Variants in ULK1 observed in about 807,000 individuals in gnomAD.
The protein encoded by ULK1 is unc-51 like autophagy activating kinase 1.
A neutral mutation model predicts 117.5 loss-of-function variants in ULK1; 48 were observed. The observed-to-expected ratio is 0.41, with a 90% CI of 0.32 to 0.52. The LOEUF (loss-of-function observed/expected upper bound fraction) is 0.52. Among genes scored for constraint, ULK1 ranks in the 20% least tolerant of loss-of-function variants. The probability of loss-of-function intolerance (pLI) is 0.29; values close to 1 mark genes in which losing one functional copy is unlikely to be tolerated. For synonymous variants in ULK1, 790 were observed against 637.8 expected (o/e 1.24, Z -3.60); for missense variants, 1,387 against 1,473.4 (o/e 0.94, Z 0.96).
rs1028392338 is a variant in ULK1 at position 131,902,959 on chromosome 12, A to G, written c.247-3933A>G. On this transcript the variant is annotated intron_variant, in intron 3 of 27. Transcript: ENST00000321867. This position sits in a 1 kb window ranked among gnomAD's most constrained non-coding sequence, Gnocchi z 6.3. ...AAAACCAAATGTAGCTGCGAGGCAG[A>G]CGTGGAGCCCGATGCCCTGTGTGGG... 6.6e-6 allele frequency among the ~76,000 whole-genome samples: 1 copy of G among 152,010 alleles called. No individual in the cohort carries two copies. Among genetic ancestry groups the G allele is most frequent in the African/African-American group, 2.4e-5 (1 of 41,366 alleles).
rs781603473 is a variant in ULK1 at position 131,921,114 on chromosome 12, C to T, written c.2976C>T (p.Ala992=). 2 of 1,598,718 alleles carry T rather than the reference C, an allele frequency of 1.3e-6. No homozygotes were observed. The highest frequency in any genetic ancestry group is 2.7e-5 in the African/African-American group (2 of 74,876). Reference sequence around the variant, plus strand: ...CTCGCCCCCAGGTGCAGTCGGCTGCCCTGGACGAGATGTTCCAGCACCGTG... The same window carrying T: ...CTCGCCCCCAGGTGCAGTCGGCTGCTCTGGACGAGATGTTCCAGCACCGTG... The part of the protein sequence containing the change: ...SHAVQMVQSA[A]LDEMFQHREG... Residue 992 remains alanine (A), a synonymous_variant, in exon 27 of 28, where the codon GCC becomes GCT. Transcript: ENST00000321867.
rs1890148118 is a variant in ULK1 at position 131,921,443 on chromosome 12, G to A, written c.*82G>A. The A allele has an allele frequency of 2.5e-6, 4 of 1,582,446 alleles. No homozygotes were observed. The highest frequency in any genetic ancestry group is 3.4e-6 in the Non-Finnish European group (4 of 1,167,244). On this transcript the variant is annotated 3_prime_UTR_variant, in exon 28 of 28. Coordinates refer to ENST00000321867, the MANE Select transcript of ULK1 (RefSeq NM_003565.4). ...GTGCTGGCTGGACTCCTCGGGACAA[G>A]CCCATGGCGCTGATCGCTGGTGCTG...
chr12:131,917,894 T>C (rs1206184557), intron 22 of ULK1, among the ~76,000 whole-genome samples: 3 of 152,056 alleles, frequency 2.0e-5, no homozygotes, highest in Non-Finnish European at 4.4e-5. Flanking sequence ...TGGTCAGGAG[T>C]TGCCCTGATG....
Position 131,895,651 on chromosome 12 carries a change from C to T in ULK1, c.162C>T (p.Ala54=), listed in dbSNP as rs145707057. The T allele has an allele frequency of 1.9e-4, 311 of 1,614,098 alleles. 1 individual carries two copies. Among genetic ancestry groups the T allele is most frequent in the African/African-American group, 1.1e-3 (86 of 75,036 alleles). Residue 54 remains alanine (A), a synonymous_variant, in exon 2 of 28, where the codon GCC becomes GCT. Transcript: ENST00000321867. ...AVKCINKKNL[A]KSQTLLGKEI... ...AGTGCATTAACAAGAAGAACCTCGC[C>T]AAGTCTCAGACGCTGCTGGGGAAGG... is the stretch of plus-strand genomic sequence containing the variant.
chr12:131,918,213 G>T, intron 22 of ULK1: 1 of 524,114 alleles, frequency 1.9e-6, no homozygotes, highest in South Asian at 2.4e-5. Flanking sequence ...CTCCCAGGCA[G>T]ATCTGGGCTG....
At chr12:131,913,419 C>T (rs1593269416) in intron 14 of ULK1, among the ~76,000 whole-genome samples, 161 bp downstream of exon 14, 1 of 150,776 alleles carries the variant, frequency 6.6e-6, no homozygotes, top group Non-Finnish European at 1.5e-5. Context: ...ATGCCGTTGG[C>T]CCGTGGTGGC....
intron 3 of ULK1, among the ~76,000 whole-genome samples, chr12:131,899,281 C>T (rs1377738720): frequency 4.8e-5 from 7 of 144,856 alleles, no homozygotes; most frequent in South Asian, 2.2e-4. Context: ...CTCCGCCTCC[C>T]GGGTTCAAGC....
chr12:131,921,040 GC>G, intron 26 of ULK1, 59 bp from the exon 27 acceptor site: 1 of 1,521,360 alleles, frequency 6.6e-7, no homozygotes, highest in East Asian at 2.4e-5. Flanking sequence ...GTGCAGGGCA[GC>G]CCTTGCTGGG....
chr12:131,913,092 C>G, intron 13 of ULK1, 106 bp from the exon 14 acceptor site: 1 of 1,115,894 alleles, frequency 9.0e-7, no homozygotes. Context: ...GCTGAGGCCC[C>G]TGCAAGGTGG....
At chr12:131,918,949 G>GGGTGCAGGGTGTGTGA in intron 23 of ULK1, among the ~76,000 whole-genome samples, 6 of 137,732 alleles carry the variant, frequency 4.4e-5, no homozygotes, top group Admixed American at 4.3e-4. Flanking sequence ...AGGGTGTGTG[G>GGGTGCAGGGTGTGTGA]GGTGCAGGGT....
intron 3 of ULK1, 147 bp from the exon 4 acceptor site, chr12:131,906,745 G>C (rs907323730): frequency 4.3e-6 from 4 of 940,350 alleles, no homozygotes; most frequent in Non-Finnish European, 5.0e-6. Context: ...ACGTGGCCCA[G>C]AGATGTCCTC....
In ULK1 at chr12:131,916,058, T is replaced by A; in HGVS notation, c.1777T>A (p.Ser593Thr). The A allele has an allele frequency of 6.2e-7, 1 of 1,611,374 alleles. No homozygotes were observed. The highest frequency in any genetic ancestry group is 1.1e-5 in the South Asian group (1 of 90,998). ...SPPQASPPQP[S>T]HGLQSCRNLR... ...ACCACAGGCCAGCCCTCCCCAGCCG[T>A]CCCACGGCCTGCAGTCCTGCCGGAA... Residue 593 changes from serine to threonine, a missense_variant, in exon 19 of 28, where the codon TCC (serine) becomes ACC (threonine). By Grantham distance (58) the Ser-to-Thr change is moderately conservative. Coordinates refer to ENST00000321867, the MANE Select transcript of ULK1 (RefSeq NM_003565.4).
chr12:131,907,186 A>G (rs1160504013), intron 4 of ULK1, among the ~76,000 whole-genome samples: 2 of 152,056 alleles, frequency 1.3e-5, no homozygotes, highest in Non-Finnish European at 2.9e-5. Context: ...CGCCCGGCTA[A>G]TTTTTATACT....
rs749610807 is a variant in ULK1, at chr12:131,917,530, G to A, written c.2302G>A (p.Gly768Ser). The change falls in exon 22 of 28, where the codon GGC becomes AGC. Residue 768 changes from glycine to serine, a missense_variant. Around this residue, in one of 4 missense-constraint regions of ULK1, gnomAD observed 900 missense variants for 858.9 expected, o/e 1.05. Coordinates refer to ENST00000321867, the MANE Select transcript of ULK1 (RefSeq NM_003565.4). ...CCCGAGCGGGAGCACGCCCCCCCAG[G>A]GCCCCCGCACCAGGATGTTCTCAGG... Reference protein sequence around the residue: ...SPPSGSTPPQGPRTRMFSAGP... With the variant: ...SPPSGSTPPQSPRTRMFSAGP... 3 of 1,448,322 alleles carry A rather than the reference G, an allele frequency of 2.1e-6. No individual in the cohort carries two copies. The highest frequency in any genetic ancestry group is 2.6e-5 in the Admixed American group (1 of 39,162). The allele number at this position is 1,448,322 out of a possible 1,614,324, so 89.7% of individuals were successfully genotyped here.
Position 131,908,627 on chromosome 12 carries a change from G to T in ULK1, c.317-17G>T. The T allele has an allele frequency of 6.8e-7, 1 of 1,471,860 alleles. No homozygotes were observed. The highest frequency in any genetic ancestry group is 9.0e-7 in the Non-Finnish European group (1 of 1,117,318). The allele number at this position is 1,471,860 out of a possible 1,614,324, so 91.2% of individuals were successfully genotyped here. A position where few individuals can be genotyped will look rare whatever the true frequency, so the allele number is the denominator to read the frequency against. ...AGGAAACACGGCCCCCAGGCCCTGAGCCGCCTCTCCCCGCAGCCATGCGCA... is the reference window on the plus strand; with the variant it reads ...AGGAAACACGGCCCCCAGGCCCTGATCCGCCTCTCCCCGCAGCCATGCGCA... On this transcript the variant is annotated splice_polypyrimidine_tract_variant and intron_variant, in intron 5 of 27. Coordinates refer to ENST00000321867, the MANE Select transcript of ULK1 (RefSeq NM_003565.4).
At chr12:131,916,714 C>A in intron 20 of ULK1, 123 bp downstream of exon 20, 1 of 1,280,780 alleles carries the variant, frequency 7.8e-7, no homozygotes, top group Non-Finnish European at 1.0e-6. Context: ...TCTGTGGGTG[C>A]CCAGTGTGGC....
At position 131,917,457 on chromosome 12, in the gene ULK1, TG is replaced by T. The variant is rs1415394773; in HGVS notation, c.2234del (p.Gly745AlafsTer79). ...GGSLHPGARA[G>X]GTSSPSPVVF... ...GGAGCCTGCACCCAGGAGCCCGTGC[TG>T]GGGGCACCAGCAGCCCTTCCCCGGT... On this transcript the variant is annotated frameshift_variant, in exon 22 of 28. Coordinates refer to ENST00000321867, the MANE Select transcript of ULK1 (RefSeq NM_003565.4). LOFTEE classifies it high-confidence loss of function. 3 of 1,532,530 alleles carry T rather than the reference TG, an allele frequency of 2.0e-6. No individual in the cohort carries two copies. The highest frequency in any genetic ancestry group is 2.0e-5 in the Admixed American group (1 of 49,410). The allele number at this position is 1,532,530 out of a possible 1,614,324, so 94.9% of individuals were successfully genotyped here.
At chr12:131,898,190 G>T (rs946752489) in intron 3 of ULK1, 3 of 152,248 alleles carry the variant, frequency 2.0e-5, no homozygotes, top group Admixed American at 6.5e-5. Flanking sequence ...TTCAGCCATG[G>T]CGTGCCTGTT....
At chr12:131,907,604 A>G in intron 5 of ULK1, 73 bp downstream of exon 5, 2 of 1,543,164 alleles carry the variant, frequency 1.3e-6, no homozygotes, top group Non-Finnish European at 1.8e-6. Context: ...ACACTGGCCC[A>G]GTCTGGGAGG....
Sources: gnomAD v4.1 joint callset for allele counts (sites outside exome capture counted in the v4.1 genomes callset) on GRCh38, gnomAD v4.1.1 for gene constraint, gnomAD v4.1.1 regional missense constraint, Gnocchi (gnomAD v3.1) non-coding constraint, MANE v1.5 for transcripts, NCBI Gene and HGNC (gene_info 2026-07-23, HGNC 2026-07-21) for gene names.